The following NR6A1 variants were observed in gnomAD, a reference collection of about 807,000 sequenced individuals.
The protein encoded by NR6A1 is nuclear receptor subfamily 6 group A member 1, also known as retinoic acid receptor-related testis-associated receptor.
Under a neutral mutation model 59.1 loss-of-function variants are expected in NR6A1, and 7 were observed. The ratio of observed to expected loss-of-function variants is 0.12; its 90% CI spans 0.07 to 0.22. The LOEUF is 0.22. Ranked by LOEUF, NR6A1 falls within the 10% of genes least tolerant of loss-of-function variation. NR6A1 has a pLI of 1.00. For missense variants in NR6A1, 468 were observed against 611.6 expected (o/e 0.77, Z 2.48); for synonymous variants, 243 against 236.1 (o/e 1.03, Z -0.27).
chr9:124,650,243 C>A (rs2130919911), intron 2 of NR6A1, among the ~76,000 whole-genome samples: 1 of 152,246 alleles, frequency 6.6e-6, no homozygotes, highest in South Asian at 2.1e-4. Flanking sequence ...CATAAGTACA[C>A]AATGGAGTAT....
chr9:124,642,262 C>T (rs1237057854), intron 2 of NR6A1, among the ~76,000 whole-genome samples: 3 of 152,186 alleles, frequency 2.0e-5, no homozygotes, highest in Admixed American at 6.5e-5. Flanking sequence ...GTTGGCCAGG[C>T]TGGTCTCGAA....
At chr9:124,615,719 G>A (rs1328528754) in intron 2 of NR6A1, among the ~76,000 whole-genome samples, 1 of 151,876 alleles carries the variant, frequency 6.6e-6, no homozygotes, top group Non-Finnish European at 1.5e-5. Context: ...ACTGATTATA[G>A]GTTAAAATTT....
intron 2 of NR6A1, among the ~76,000 whole-genome samples, chr9:124,648,783 G>A (rs577595154): frequency 1.3e-5 from 2 of 149,162 alleles, no homozygotes; most frequent in African/African-American, 2.4e-5. Context: ...TACAAAAATC[G>A]GTAGCATTTC....
intron 2 of NR6A1, among the ~76,000 whole-genome samples, chr9:124,674,857 C>T (rs922675513): frequency 7.2e-5 from 11 of 152,166 alleles, no homozygotes; most frequent in African/African-American, 1.2e-4. Context: ...TTTCTAGCTC[C>T]GCCTTAACCA....
chr9:124,659,153 G>A (rs1389460208), intron 2 of NR6A1, among the ~76,000 whole-genome samples: 1 of 152,180 alleles, frequency 6.6e-6, no homozygotes, highest in South Asian at 2.1e-4. Context: ...TGGGGCGGTG[G>A]GGGTAGAGGC....
rs1834870116 is a variant in NR6A1, at chr9:124,584,609, G to C, written c.143-30039C>G. 2.0e-5 allele frequency among the ~76,000 whole-genome samples: 3 copies of C among 152,092 alleles called. No homozygotes were observed. In the South Asian group the frequency reaches 6.2e-4, roughly 32 times the overall value. On this transcript the variant is annotated intron_variant, in intron 2 of 9. Transcript: ENST00000487099. Reference sequence around the variant, plus strand: ...TGATCTTTGATGTTAGTAATTGTTTGGGGGTGCCACGAACCGCACCGAAAT... The same window carrying C: ...TGATCTTTGATGTTAGTAATTGTTTCGGGGTGCCACGAACCGCACCGAAAT...
chr9:124,527,739 T>C (rs887265963), intron 7 of NR6A1, among the ~76,000 whole-genome samples: 4 of 152,200 alleles, frequency 2.6e-5, no homozygotes, highest in Admixed American at 6.5e-5. Context: ...AAAGCCCCCA[T>C]GCTCTTTTCT....
At chr9:124,543,895 C>T (rs752392793) in intron 3 of NR6A1, 38 bp from the exon 4 acceptor site, 3 of 1,572,966 alleles carry the variant, frequency 1.9e-6, no homozygotes, top group African/African-American at 2.7e-5. Flanking sequence ...CAGTCAGAAG[C>T]ACACTCATAT....
At chr9:124,668,141 T>C (rs1450659560) in intron 2 of NR6A1, among the ~76,000 whole-genome samples, 1 of 152,204 alleles carries the variant, frequency 6.6e-6, no homozygotes, top group East Asian at 1.9e-4. Flanking sequence ...TTATATGTGT[T>C]ATATATTGTA....
chr9:124,740,665 G>A (rs183582950), intron 1 of NR6A1, among the ~76,000 whole-genome samples: 282 of 152,230 alleles, frequency 1.9e-3, no homozygotes, highest in African/African-American at 5.9e-3. Flanking sequence ...TGTTTTTCCA[G>A]GATCCCCAAG....
chr9:124,710,361 G>C (rs974144369), intron 2 of NR6A1, among the ~76,000 whole-genome samples: 20 of 152,050 alleles, frequency 1.3e-4, no homozygotes, highest in Admixed American at 1.1e-3. Context: ...AACTGTATCA[G>C]AACTATTATA....
chr9:124,549,604 C>T (rs1833708271), intron 3 of NR6A1, among the ~76,000 whole-genome samples: 1 of 152,140 alleles, frequency 6.6e-6, no homozygotes, highest in African/African-American at 2.4e-5. Flanking sequence ...GTTCCATATC[C>T]AAAGATGGAG....
chr9:124,653,093 T>C (rs1409727558), intron 2 of NR6A1, among the ~76,000 whole-genome samples: 3 of 152,194 alleles, frequency 2.0e-5, no homozygotes, highest in South Asian at 2.1e-4. Flanking sequence ...TATAACATAG[T>C]ACGAGCAAGA....
intron 5 of NR6A1, among the ~76,000 whole-genome samples, chr9:124,539,713 T>C (rs1588649617): frequency 6.6e-6 from 1 of 152,200 alleles, no homozygotes; most frequent in Non-Finnish European, 1.5e-5. Flanking sequence ...AAAAGGTTTA[T>C]TTCAGTGATA....
chr9:124,695,963 C>T (rs895991362), intron 2 of NR6A1, among the ~76,000 whole-genome samples: 5 of 152,024 alleles, frequency 3.3e-5, no homozygotes, highest in African/African-American at 1.2e-4. Context: ...AAACTAAGTA[C>T]TACAAGAAGG....
intron 1 of NR6A1, among the ~76,000 whole-genome samples, chr9:124,754,538 T>C (rs576749938): frequency 6.6e-6 from 1 of 152,172 alleles, no homozygotes; most frequent in East Asian, 1.9e-4. Context: ...ATATACATCC[T>C]TGTCTGGGCT....
At chr9:124,666,272 G>GTTTTTTTT (rs1588760705) in intron 2 of NR6A1, among the ~76,000 whole-genome samples, 3 of 127,826 alleles carry the variant, frequency 2.3e-5, no homozygotes, top group African/African-American at 1.2e-4. Context: ...CCTCTATGTG[G>GTTTTTTTT]TTCTTTTTTT....
intron 2 of NR6A1, among the ~76,000 whole-genome samples, chr9:124,590,155 C>T (rs2130796194): frequency 7.4e-6 from 1 of 135,054 alleles, no homozygotes; most frequent in East Asian, 2.3e-4. Context: ...GAAAGGAAAA[C>T]ATTTCGCTAA....
rs1305555383 is a variant in NR6A1, at chr9:124,728,156, A to G, written c.142+5152T>C. Among the ~76,000 whole-genome samples, 7 of 151,172 alleles carry G rather than the reference A, an allele frequency of 4.6e-5. No individual in the cohort carries two copies. The East Asian group carries it at 1.4e-3, about 30-fold the overall frequency. On this transcript the variant is annotated intron_variant, in intron 2 of 9. Transcript: ENST00000487099. ...ATTCTCCTGCCTCAGCCTCCCGAGTATCTGGGACTACAGGTGCCTACCACC... is the reference window on the plus strand; with the variant it reads ...ATTCTCCTGCCTCAGCCTCCCGAGTGTCTGGGACTACAGGTGCCTACCACC...
Sources: gnomAD v4.1 joint callset for allele counts (sites outside exome capture counted in the v4.1 genomes callset) on GRCh38, gnomAD v4.1.1 for gene constraint, MANE v1.5 for transcripts, NCBI Gene and HGNC (gene_info 2026-07-23, HGNC 2026-07-21) for gene names.